The following PLB1 variants were observed in gnomAD, a reference collection of about 807,000 sequenced individuals.
The protein encoded by PLB1 is phospholipase B1, membrane-associated.
PLB1 carries 242 observed loss-of-function variants against 227.4 expected under a neutral mutation model. The ratio of observed to expected loss-of-function variants is 1.06; its 90% CI spans 0.96 to 1.18. The LOEUF (loss-of-function observed/expected upper bound fraction) is 1.18, where lower values mean the gene tolerates loss of function less well. Among genes scored for constraint, PLB1 ranks in the 50% most tolerant of loss-of-function variants. The pLI is 0.00. For synonymous variants in PLB1, 757 were observed against 682.2 expected, an observed-to-expected ratio of 1.11 and a Z score of -1.71; for missense variants, 1,858 against 1,816.3, an observed-to-expected ratio of 1.02 and a Z score of -0.42.
intron 1 of PLB1, among the ~76,000 whole-genome samples, chr2:28,507,426 T>G (rs919478114): frequency 2.0e-5 from 3 of 151,998 alleles, no homozygotes; most frequent in Non-Finnish European, 4.4e-5. Flanking sequence ...CAAATGAGGG[T>G]ACGACAGAGA....
In PLB1 at chr2:28,511,946, G is replaced by A. The variant is rs191800958; in HGVS notation, c.56-4862G>A. ...ATTACAGGCACCTACCACCGTGCCT[G>A]GCTAACTTTTTTTTTTTTTTTTTTA... On this transcript the variant is annotated intron_variant, in intron 1 of 57. Coordinates refer to ENST00000327757, the MANE Select transcript of PLB1 (RefSeq NM_153021.5). Among the ~76,000 whole-genome samples, 1,468 of 147,462 alleles carry A rather than the reference G, an allele frequency of 1.0e-2. 32 individuals carry two copies. Among genetic ancestry groups the A allele is most frequent in the African/African-American group, 0.034 (1,388 of 40,266 alleles).
At chr2:28,525,717 G>C (rs1211437210) in intron 5 of PLB1, among the ~76,000 whole-genome samples, 188 bp from the exon 6 acceptor site, 2 of 152,144 alleles carry the variant, frequency 1.3e-5, no homozygotes, top group Non-Finnish European at 2.9e-5. Context: ...TCCAGAGAGA[G>C]CTGTTTTCCC....
At chr2:28,616,724 C>G (rs1360986203) in intron 44 of PLB1, among the ~76,000 whole-genome samples, 1 of 152,178 alleles carries the variant, frequency 6.6e-6, no homozygotes, top group African/African-American at 2.4e-5. Context: ...GTTCATTAAA[C>G]CTTTAAACAG....
chr2:28,587,946 C>T (rs1382705108), intron 26 of PLB1, among the ~76,000 whole-genome samples: 1 of 152,156 alleles, frequency 6.6e-6, no homozygotes, highest in Non-Finnish European at 1.5e-5. Context: ...ATCGCCCTCC[C>T]AGCCTCTGCA....
chr2:28,565,374 GC>G, intron 19 of PLB1, 21 bp downstream of exon 19: 1 of 1,587,596 alleles, frequency 6.3e-7, no homozygotes, highest in Admixed American at 1.8e-5. Flanking sequence ...GTGTGGCAAG[GC>G]CCCAAAGGCC....
At chr2:28,628,751 C>A in intron 52 of PLB1, 123 bp downstream of exon 52, 2 of 966,162 alleles carry the variant, frequency 2.1e-6, no homozygotes, top group South Asian at 1.4e-5. Flanking sequence ...ACCTGGATGG[C>A]AGGGAGGGAG....
intron 17 of PLB1, among the ~76,000 whole-genome samples, chr2:28,556,562 C>T (rs1024223429): frequency 3.9e-5 from 6 of 152,162 alleles, no homozygotes; most frequent in African/African-American, 9.7e-5. Context: ...CATTGCTAGA[C>T]GGCCCTCTCC....
chr2:28,628,503 C>T (rs1249491579), intron 51 of PLB1, 60 bp from the exon 52 acceptor site: 1 of 1,504,588 alleles, frequency 6.6e-7, no homozygotes, highest in African/African-American at 1.4e-5. Flanking sequence ...CTCCTATGCT[C>T]TTGCCATTCT....
intron 38 of PLB1, among the ~76,000 whole-genome samples, 163 bp from the exon 39 acceptor site, chr2:28,602,658 G>A (rs1684089965): frequency 1.3e-5 from 2 of 152,186 alleles, no homozygotes; most frequent in African/African-American, 4.8e-5. Flanking sequence ...TGTGATGTAC[G>A]GCCTGTAAGG....
chr2:28,594,927 G>A (rs1682646790), intron 33 of PLB1: 1 of 152,112 alleles, frequency 6.6e-6, no homozygotes, highest in South Asian at 2.1e-4. Flanking sequence ...AAGAGCATGA[G>A]GTTCTGGCAG....
At chr2:28,582,330 G>T in intron 24 of PLB1, 75 bp from the exon 25 acceptor site, 1 of 1,342,792 alleles carries the variant, frequency 7.4e-7, no homozygotes, top group Non-Finnish European at 1.1e-6. Context: ...ACTTCAGCAG[G>T]AGGAGCAGGC....
At chr2:28,580,700 C>T (rs968039521) in intron 23 of PLB1, among the ~76,000 whole-genome samples, 15 of 144,880 alleles carry the variant, frequency 1.0e-4, no homozygotes, top group African/African-American at 3.4e-4. Context: ...GGTGACAAAG[C>T]GAGACTCCAT....
At chr2:28,502,578 T>A (rs1667220840) in intron 1 of PLB1, among the ~76,000 whole-genome samples, 2 of 152,298 alleles carry the variant, frequency 1.3e-5, no homozygotes, top group South Asian at 4.1e-4. Flanking sequence ...TGGCGTAAAA[T>A]CAAGTTGATC....
chr2:28,539,257 C>T (rs1028052805), intron 11 of PLB1, 79 bp downstream of exon 11: 96 of 1,284,392 alleles, frequency 7.5e-5, no homozygotes, highest in South Asian at 5.6e-4. Flanking sequence ...CTTCATGTGC[C>T]GTAATCTATG....
chr2:28,508,786 A>C lies in PLB1; in HGVS notation c.56-8022A>C, dbSNP rs916414203. ...CACTTATGGCCCTCTGAGCCTGTAAAAATGCCAAAAGGGTCATAAACCCTG... is the reference window on the plus strand; with the variant it reads ...CACTTATGGCCCTCTGAGCCTGTAACAATGCCAAAAGGGTCATAAACCCTG... On this transcript the variant is annotated intron_variant, in intron 1 of 57. Coordinates refer to ENST00000327757, the MANE Select transcript of PLB1 (RefSeq NM_153021.5). Among the ~76,000 whole-genome samples, 5 of 152,218 alleles carry C rather than the reference A, an allele frequency of 3.3e-5. No individual in the cohort carries two copies. In the South Asian group the frequency reaches 6.2e-4, roughly 19 times the overall value.
rs374685347 is a variant in PLB1 at position 28,593,676 on chromosome 2, C to T, written c.2248-5C>T. The T allele has an allele frequency of 8.1e-6, 13 of 1,613,760 alleles. No homozygotes were observed. The highest frequency in any genetic ancestry group is 1.3e-5 in the African/African-American group (1 of 74,914). The stretch of plus-strand genomic sequence containing the variant: ...TTTCCTATGGACTCTGGTATATTTT[C>T]AAAGGCTGGCAATGGAATTGGCTCC... On this transcript the variant is annotated splice_polypyrimidine_tract_variant and splice_region_variant and intron_variant, in intron 32 of 57. Coordinates refer to ENST00000327757, the MANE Select transcript of PLB1 (RefSeq NM_153021.5).
At chr2:28,525,600 G>A (rs1451227833) in intron 5 of PLB1, among the ~76,000 whole-genome samples, 1 of 152,160 alleles carries the variant, frequency 6.6e-6, no homozygotes, top group Non-Finnish European at 1.5e-5. Context: ...TCTGCTCTTG[G>A]GGAACCATGC....
chr2:28,632,636 A>AAGTT (rs1688790745), intron 55 of PLB1, among the ~76,000 whole-genome samples: 1 of 151,902 alleles, frequency 6.6e-6, no homozygotes, highest in Non-Finnish European at 1.5e-5. Flanking sequence ...AAAATACAAA[A>AAGTT]AGTTAGCTGG....
At chr2:28,582,293 G>A in intron 24 of PLB1, 112 bp from the exon 25 acceptor site, 8 of 1,184,524 alleles carry the variant, frequency 6.8e-6, no homozygotes, top group Non-Finnish European at 9.8e-6. Flanking sequence ...AAGTGGATGG[G>A]GGCAGATGGA....
Sources: allele counts gnomAD v4.1 joint callset (sites outside exome capture counted in the v4.1 genomes callset), GRCh38; gene constraint gnomAD v4.1.1; transcripts MANE v1.5; gene names NCBI Gene and HGNC (gene_info 2026-07-23, HGNC 2026-07-21).